The following MUC3A variants were observed in gnomAD, a reference collection of about 807,000 sequenced individuals.
The protein encoded by MUC3A is mucin 3A, cell surface associated, also known as mucin-3A.
In MUC3A, 109 loss-of-function variants were observed where a neutral mutation model predicts 109.0. That is an observed-to-expected ratio of 1.00 (90% CI 0.86 to 1.17). MUC3A has a LOEUF of 1.17. Among genes scored for constraint, MUC3A ranks in the 50% most tolerant of loss-of-function variants. The pLI is 0.00. For synonymous variants in MUC3A, 1,398 were observed against 981.4 expected (o/e 1.42, Z -7.93); for missense variants, 3,537 against 2,469.4 (o/e 1.43, Z -9.16).
chr7:100,965,231 TTAA>T, intron 6 of MUC3A, 48 bp from the exon 7 acceptor site: 1 of 702 alleles, frequency 1.4e-3, no homozygotes, highest in Non-Finnish European at 2.2e-3. Context: ...CCCCTTGACC[TTAA>T]CCCCTTGATC....
chr7:100,965,032 C>A, intron 6 of MUC3A, 189 bp downstream of exon 6: 6 of 1,120,028 alleles, frequency 5.4e-6, no homozygotes, highest in African/African-American at 1.6e-5. Context: ...GACCTCGGTA[C>A]TGGGAAAGAG....
In MUC3A at chr7:100,967,168, G is replaced by A. The variant is rs759670800; in HGVS notation, c.*6G>A. ...TGACCTCGTCCTCAGTGTGAGCCCT[G>A]CGGGGCCCCTTCACCACCCCCTCCG... On this transcript the variant is annotated 3_prime_UTR_variant, in exon 12 of 12. Coordinates refer to ENST00000379458, the MANE Select transcript of MUC3A (RefSeq NM_005960.2). The A allele has an allele frequency of 3.9e-5, 62 of 1,598,406 alleles. No individual in the cohort carries two copies. The highest frequency in any genetic ancestry group is 4.9e-5 in the Non-Finnish European group (58 of 1,179,808).
At chr7:100,963,530 C>T (rs1045471742) in intron 4 of MUC3A, among the ~76,000 whole-genome samples, 158 bp from the exon 5 acceptor site, 2 of 152,300 alleles carry the variant, frequency 1.3e-5, no homozygotes, top group African/African-American at 4.8e-5. Flanking sequence ...TGTGATCCAC[C>T]TGCCTCGTCC....
Position 100,956,431 on chromosome 7 carries a change from C to A in MUC3A, c.4652C>A (p.Thr1551Asn). ...ACCACTGCCATCACCTCAGTTCCCA[C>A]TACCTTGGGTACCATGGTGACTTCT... ...TPTTAITSVP[T>N]TLGTMVTSTS... The change falls in exon 2 of 12, where the codon ACT (threonine) becomes AAT (asparagine). Residue 1551 changes from threonine (T) to asparagine (N), a missense_variant. Thr to Asn is a moderately conservative substitution (Grantham distance 65). Transcript: ENST00000379458. The A allele has an allele frequency of 1.9e-6, 1 of 514,854 alleles. No homozygotes were observed. The highest frequency in any genetic ancestry group is 3.3e-6 in the Non-Finnish European group (1 of 301,298). The allele number at this position is 514,854 out of a possible 1,614,324, so 31.9% of individuals were successfully genotyped here.
intron 3 of MUC3A, 185 bp downstream of exon 3, chr7:100,961,122 G>T: frequency 2.1e-6 from 2 of 973,006 alleles, no homozygotes; most frequent in Non-Finnish European, 2.4e-6. Flanking sequence ...ACCCTTAGGA[G>T]GTGGCTGGGA....
chr7:100,962,758 TC>T (rs1349752681), intron 3 of MUC3A, among the ~76,000 whole-genome samples: 1 of 151,958 alleles, frequency 6.6e-6, no homozygotes, highest in Admixed American at 6.6e-5. Flanking sequence ...CAATGCTTTC[TC>T]CCTTTCTTTC....
Position 100,967,470 on chromosome 7 carries a change from A to G in MUC3A, c.*308A>G, listed in dbSNP as rs1792642449. On this transcript the variant is annotated 3_prime_UTR_variant, in exon 12 of 12. Transcript: ENST00000379458. The stretch of plus-strand genomic sequence containing the variant: ...TGATAGCTCACGCCGTTGTTGTGAA[A>G]ACCACATAGACTTGGTCAATTCTCG... 1 of 574,480 alleles carries G rather than the reference A, an allele frequency of 1.7e-6. No homozygotes were observed. Among genetic ancestry groups the G allele is most frequent in the Admixed American group, 3.1e-5 (1 of 32,708 alleles). The allele number at this position is 574,480 out of a possible 1,614,324, so 35.6% of individuals were successfully genotyped here. A position where few individuals can be genotyped will look rare whatever the true frequency, so the allele number is the denominator to read the frequency against.
At chr7:100,961,011 T>C in intron 3 of MUC3A, 74 bp downstream of exon 3, 1 of 1,593,270 alleles carries the variant, frequency 6.3e-7, no homozygotes, top group South Asian at 1.1e-5. Flanking sequence ...CTTATCCCTC[T>C]GTGGGGCCTG....
rs1429314654 is a variant in MUC3A, at chr7:100,953,740, C to T, written c.1961C>T (p.Pro654Leu). ...VTSMTTTTSP[P>L]TTTNSFTSLT... is the part of the protein sequence containing the mutation. ...TCTATGACAACTACGACCTCTCCTC[C>T]CACAACCACCAATTCTTTTACATCA... is the stretch of plus-strand genomic sequence containing the variant. Residue 654 changes from proline (P) to leucine (L), a missense_variant, in exon 2 of 12, where the codon CCC becomes CTC. Transcript: ENST00000379458. 2.3e-6 allele frequency: 1 copy of T among 435,658 alleles called. No individual in the cohort carries two copies. The highest frequency in any genetic ancestry group is 2.1e-5 in the African/African-American group (1 of 48,306). The allele number at this position is 435,658 out of a possible 1,614,324, so 27.0% of individuals were successfully genotyped here. A position where few individuals can be genotyped will look rare whatever the true frequency, so the allele number is the denominator to read the frequency against.
intron 6 of MUC3A, 106 bp from the exon 7 acceptor site, chr7:100,965,176 A>G: frequency 1.3e-6 from 2 of 1,504,684 alleles, no homozygotes; most frequent in Non-Finnish European, 1.8e-6. Flanking sequence ...AGACGGAGAG[A>G]GCCCTCACTG....
At chr7:100,966,157 C>G in intron 8 of MUC3A, 1 of 361,138 alleles carries the variant, frequency 2.8e-6, no homozygotes, top group East Asian at 4.3e-5. Flanking sequence ...CCCCCTCCTT[C>G]TAGGGTGGAG....
intron 3 of MUC3A, 42 bp downstream of exon 3, chr7:100,960,979 G>A: frequency 6.3e-7 from 1 of 1,598,362 alleles, no homozygotes. Context: ...CCTCCCACAG[G>A]GTGTCACTGA....
In MUC3A at chr7:100,957,184, C is replaced by G. The variant is rs1792119646; in HGVS notation, c.5405C>G (p.Pro1802Arg). The G allele has an allele frequency of 1.5e-5, 7 of 457,380 alleles. No homozygotes were observed. In the South Asian group the frequency reaches 3.7e-4, roughly 24 times the overall value. 28.3% of individuals were successfully genotyped at this position (457,380 alleles called of 1,614,324 possible). Reference protein sequence around the residue: ...SFTSSVSSSTPVPSTEAITSG... With the variant: ...SFTSSVSSSTRVPSTEAITSG... Reference sequence around the variant, plus strand: ...ACCAGTAGCGTTTCATCTTCTACGCCTGTCCCAAGTACAGAAGCGATCACC... The same window carrying G: ...ACCAGTAGCGTTTCATCTTCTACGCGTGTCCCAAGTACAGAAGCGATCACC... The change falls in exon 2 of 12, where the codon CCT (proline) becomes CGT (arginine). Residue 1802 changes from proline (P) to arginine (R), a missense_variant. Coordinates refer to ENST00000379458, the MANE Select transcript of MUC3A (RefSeq NM_005960.2).
At chr7:100,964,468 A>G (rs1792453552) in intron 5 of MUC3A, 1 of 672,446 alleles carries the variant, frequency 1.5e-6, no homozygotes, top group South Asian at 2.7e-5. Context: ...TATAAAACAC[A>G]CAGAGAGAGG....
At position 100,960,383 on chromosome 7, in the gene MUC3A, C is replaced by G. The variant is rs772744192; in HGVS notation, c.8604C>G (p.Thr2868=). Residue 2868 remains threonine, a synonymous_variant, in exon 2 of 12, where the codon ACC becomes ACG. Coordinates refer to ENST00000379458, the MANE Select transcript of MUC3A (RefSeq NM_005960.2). ...TTTTCACAAGTACTCGACTGCCCAC[C>G]AGTGAGACCTGGCTGAGCAACAGTT... ...NTVFTSTRLP[T]SETWLSNSSV... 1 of 1,598,544 alleles carries G rather than the reference C, an allele frequency of 6.3e-7. No individual in the cohort carries two copies. The highest frequency in any genetic ancestry group is 1.7e-5 in the Admixed American group (1 of 60,034).
At position 100,960,918 on chromosome 7, in the gene MUC3A, T is replaced by A; in HGVS notation, c.9033T>A (p.Ala3011=). The A allele has an allele frequency of 6.3e-7, 1 of 1,598,538 alleles. No individual in the cohort carries two copies. ...STFYGSSCEF[A]VEQVDLDVVE... ...TCTATGGTTCCAGTTGTGAGTTTGC[T>A]GTGGAACAGGTGGATCTAGGTGAGT... The change falls in exon 3 of 12, where the codon GCT becomes GCA. Residue 3011 remains alanine, a synonymous_variant. Coordinates refer to ENST00000379458, the MANE Select transcript of MUC3A (RefSeq NM_005960.2).
Position 100,959,390 on chromosome 7 carries a change from C to G in MUC3A, c.7611C>G (p.Thr2537=). ...SSSPSIQSTE[T]SSLVGTTSPT... The stretch of plus-strand genomic sequence containing the variant: ...CTCCCTCCATCCAAAGTACAGAAAC[C>G]TCATCCCTTGTGGGCACCACCTCTC... Residue 2537 remains threonine (T), a synonymous_variant, in exon 2 of 12, where the codon ACC becomes ACG. Transcript: ENST00000379458. The G allele has an allele frequency of 6.5e-7, 1 of 1,537,176 alleles. No homozygotes were observed. Among genetic ancestry groups the G allele is most frequent in the Non-Finnish European group, 8.7e-7 (1 of 1,152,084 alleles).
chr7:100,955,834 C>T lies in MUC3A; in HGVS notation c.4055C>T (p.Thr1352Ile), dbSNP rs944099817. Residue 1352 changes from threonine (T) to isoleucine (I), a missense_variant, in exon 2 of 12, where the codon ACC becomes ATC. Coordinates refer to ENST00000379458, the MANE Select transcript of MUC3A (RefSeq NM_005960.2). ...GCGACTACAGGCACAGGTCAGACCA[C>T]CTTCCCCAGCTCTACAGCCACATTC... ...TVATTGTGQT[T>I]FPSSTATFLE... is the part of the protein sequence containing the mutation. The T allele has an allele frequency of 3.9e-5, 18 of 459,304 alleles. No individual in the cohort carries two copies. The highest frequency in any genetic ancestry group is 1.2e-4 in the Admixed American group (3 of 25,512). The allele number at this position is 459,304 out of a possible 1,614,324, so 28.5% of individuals were successfully genotyped here. A position where few individuals can be genotyped will look rare whatever the true frequency, so the allele number is the denominator to read the frequency against.
In MUC3A at chr7:100,959,845, T is replaced by C; in HGVS notation, c.8066T>C (p.Ile2689Thr). Residue 2689 changes from isoleucine to threonine, a missense_variant, in exon 2 of 12, where the codon ATC becomes ACC. Ile to Thr is a moderately conservative substitution (Grantham distance 89). Transcript: ENST00000379458. ...TIIWSSTPTIIMSSSPSSASI... is the reference protein window; with the variant it reads ...TIIWSSTPTITMSSSPSSASI... ...ATCTGGTCCTCAACACCCACTATTATCATGTCCTCTTCTCCATCTTCTGCC... is the reference window on the plus strand; with the variant it reads ...ATCTGGTCCTCAACACCCACTATTACCATGTCCTCTTCTCCATCTTCTGCC... The C allele has an allele frequency of 6.4e-7, 1 of 1,570,220 alleles. No homozygotes were observed. The highest frequency in any genetic ancestry group is 8.6e-7 in the Non-Finnish European group (1 of 1,165,856).
Sources: gnomAD v4.1 joint callset for allele counts (sites outside exome capture counted in the v4.1 genomes callset) on GRCh38, gnomAD v4.1.1 for gene constraint, MANE v1.5 for transcripts, NCBI Gene and HGNC (gene_info 2026-07-23, HGNC 2026-07-21) for gene names.